PLEKHG7: variants seen among roughly 807,000 people sequenced by gnomAD.
PLEKHG7 encodes the protein pleckstrin homology and RhoGEF domain containing G7, also known as pleckstrin homology domain-containing family G member 7.
Under a neutral mutation model 85.2 loss-of-function variants are expected in PLEKHG7, and 77 were observed. The ratio of observed to expected loss-of-function variants is 0.90; its 90% CI spans 0.75 to 1.09. The LOEUF is 1.09. Among genes scored for constraint, PLEKHG7 ranks in the 50% least tolerant of loss-of-function variants. PLEKHG7 has a pLI of 0.00. For missense variants in PLEKHG7, 777 were observed against 804.3 expected, an observed-to-expected ratio of 0.97 and a Z score of 0.41; for synonymous variants, 301 against 302.4, an observed-to-expected ratio of 1.00 and a Z score of 0.05.
intron 3 of PLEKHG7, 96 bp from the exon 4 acceptor site, chr12:92,728,897 C>A: frequency 2.0e-6 from 2 of 1,015,182 alleles, no homozygotes; most frequent in Non-Finnish European, 2.5e-6. Flanking sequence ...CACAACCACG[C>A]CAACATCTGT....
chr12:92,756,309 C>T lies in PLEKHG7; in HGVS notation c.1554C>T (p.His518=), dbSNP rs967182705. 6 of 1,608,956 alleles carry T rather than the reference C, an allele frequency of 3.7e-6. No homozygotes were observed. Among genetic ancestry groups the T allele is most frequent in the Non-Finnish European group, 5.1e-6 (6 of 1,175,580 alleles). The change falls in exon 13 of 17, where the codon CAC becomes CAT. Residue 518 remains histidine, a synonymous_variant. Transcript: ENST00000344636. ...GCTTGTTTTACAAGTGTTTGAAACA[C>T]ATTTTTAAAGAACACATGGCAGAAA... ...KRFFIPECLK[H]IFKEHMAENI...
intron 10 of PLEKHG7, among the ~76,000 whole-genome samples, chr12:92,752,736 C>T (rs1872724601): frequency 6.6e-6 from 1 of 152,250 alleles, no homozygotes; most frequent in South Asian, 2.1e-4. Context: ...AGGCAGGATC[C>T]CTGTTGTAGT....
At chr12:92,705,573 C>T (rs1362045916) in intron 1 of PLEKHG7, among the ~76,000 whole-genome samples, 1 of 152,192 alleles carries the variant, frequency 6.6e-6, no homozygotes, top group Non-Finnish European at 1.5e-5. Flanking sequence ...ATGTTCCATC[C>T]ACAAACAATC....
At chr12:92,735,270 G>T (rs959952555) in intron 5 of PLEKHG7, among the ~76,000 whole-genome samples, 1 of 152,136 alleles carries the variant, frequency 6.6e-6, no homozygotes, top group African/African-American at 2.4e-5. Flanking sequence ...TCTTTAACTG[G>T]TTCCAAGATT....
intron 15 of PLEKHG7, among the ~76,000 whole-genome samples, chr12:92,764,643 AATAT>A (rs1234205387): frequency 6.6e-6 from 1 of 151,866 alleles, no homozygotes; most frequent in Non-Finnish European, 1.5e-5. Context: ...TTATGCCAGC[AATAT>A]ATATATATTC....
intron 4 of PLEKHG7, among the ~76,000 whole-genome samples, chr12:92,731,826 G>A (rs1466870885): frequency 6.6e-6 from 1 of 152,192 alleles, no homozygotes; most frequent in Non-Finnish European, 1.5e-5. Flanking sequence ...TGCATGTGAT[G>A]GGGGCGTTCT....
intron 3 of PLEKHG7, among the ~76,000 whole-genome samples, chr12:92,725,829 A>G (rs932734107): frequency 2.0e-5 from 3 of 152,216 alleles, no homozygotes; most frequent in Non-Finnish European, 2.9e-5. Flanking sequence ...ACCTAAAAGT[A>G]GGAAAAGCCT....
rs761131404 is a variant in PLEKHG7 at position 92,745,512 on chromosome 12, C to T, written c.1172C>T (p.Thr391Ile). Residue 391 changes from threonine (T) to isoleucine (I), a missense_variant, in exon 10 of 17, where the codon ACC (threonine) becomes ATC (isoleucine). Thr to Ile is a moderately conservative substitution (Grantham distance 89). Coordinates refer to ENST00000344636, the MANE Select transcript of PLEKHG7 (RefSeq NM_001377329.1). Reference protein sequence around the residue: ...FRGSLCQSHQTYCLNYSAAIF... With the variant: ...FRGSLCQSHQIYCLNYSAAIF... ...GGGAGTCTCTGTCAGAGCCACCAGACCTACTGCCTGAACTATTCAGCTGCT... is the reference window on the plus strand; with the variant it reads ...GGGAGTCTCTGTCAGAGCCACCAGATCTACTGCCTGAACTATTCAGCTGCT... 19 of 1,613,800 alleles carry T rather than the reference C, an allele frequency of 1.2e-5. No homozygotes were observed. In the South Asian group the frequency reaches 1.6e-4, roughly 14 times the overall value.
At chr12:92,720,812 A>C (rs537363473) in intron 3 of PLEKHG7, among the ~76,000 whole-genome samples, 2 of 152,314 alleles carry the variant, frequency 1.3e-5, no homozygotes, top group South Asian at 2.1e-4. Flanking sequence ...GCCACCATTC[A>C]AACCATTATA....
At chr12:92,750,636 C>A (rs1020387855) in intron 10 of PLEKHG7, among the ~76,000 whole-genome samples, 8 of 152,202 alleles carry the variant, frequency 5.3e-5, no homozygotes, top group African/African-American at 1.9e-4. Flanking sequence ...GTTACAAGAA[C>A]TCCCAGCCAC....
chr12:92,727,839 C>A (rs906738081), intron 3 of PLEKHG7, among the ~76,000 whole-genome samples: 2 of 151,710 alleles, frequency 1.3e-5, no homozygotes, highest in African/African-American at 4.8e-5. Flanking sequence ...GATACGCTCA[C>A]CTTGGCCTCC....
chr12:92,713,046 G>C (rs936704583), intron 3 of PLEKHG7, among the ~76,000 whole-genome samples: 1 of 152,168 alleles, frequency 6.6e-6, no homozygotes, highest in African/African-American at 2.4e-5. Flanking sequence ...CCATAGGGAA[G>C]GATGGGAAAA....
chr12:92,704,775 A>T (rs1350806138), intron 1 of PLEKHG7, among the ~76,000 whole-genome samples: 1 of 152,216 alleles, frequency 6.6e-6, no homozygotes, highest in African/African-American at 2.4e-5. Context: ...ATGGGGTCTC[A>T]CTATGTTGCC....
At chr12:92,740,299 C>T (rs912477725) in intron 7 of PLEKHG7, among the ~76,000 whole-genome samples, 2 of 152,192 alleles carry the variant, frequency 1.3e-5, no homozygotes, top group African/African-American at 2.4e-5. Context: ...TATAGTTCTC[C>T]AATTTGTGAA....
chr12:92,759,926 C>T (rs1358212713), intron 13 of PLEKHG7, among the ~76,000 whole-genome samples: 1 of 152,182 alleles, frequency 6.6e-6, no homozygotes. Context: ...TGTTAAGTCT[C>T]AACCTATATG....
At position 92,728,987 on chromosome 12, in the gene PLEKHG7, G is replaced by C; in HGVS notation, c.531-6G>C. ...GTGTGGTTTTCCTTTTATCTCTTGA[G>C]CACAGGTTCTACGAGCACAGGCGGA... is the stretch of plus-strand genomic sequence containing the variant. On this transcript the variant is annotated splice_region_variant and splice_polypyrimidine_tract_variant and intron_variant, in intron 3 of 16. Coordinates refer to ENST00000344636, the MANE Select transcript of PLEKHG7 (RefSeq NM_001377329.1). 1 of 1,231,592 alleles carries C rather than the reference G, an allele frequency of 8.1e-7. No homozygotes were observed. The highest frequency in any genetic ancestry group is 1.0e-6 in the Non-Finnish European group (1 of 987,616). 76.3% of individuals were successfully genotyped at this position (1,231,592 alleles called of 1,614,324 possible). A position where few individuals can be genotyped will look rare whatever the true frequency, so the allele number is the denominator to read the frequency against.
intron 3 of PLEKHG7, among the ~76,000 whole-genome samples, chr12:92,709,303 G>A (rs563880987): frequency 6.6e-6 from 1 of 152,212 alleles, no homozygotes; most frequent in East Asian, 1.9e-4. Context: ...CTATCAGGGT[G>A]AGGGAAAGGA....
intron 10 of PLEKHG7, among the ~76,000 whole-genome samples, chr12:92,747,355 A>G (rs1025185763): frequency 2.4e-4 from 17 of 72,290 alleles, no homozygotes; most frequent in African/African-American, 7.5e-4. Flanking sequence ...GACTACTAAG[A>G]TATCATCTTA....
At chr12:92,716,045 A>G (rs1871481029) in intron 3 of PLEKHG7, among the ~76,000 whole-genome samples, 1 of 152,178 alleles carries the variant, frequency 6.6e-6, no homozygotes, top group African/African-American at 2.4e-5. Context: ...CCTTTTTCAA[A>G]AATACTGATT....
Sources: allele counts gnomAD v4.1 joint callset (sites outside exome capture counted in the v4.1 genomes callset), GRCh38; gene constraint gnomAD v4.1.1; transcripts MANE v1.5; gene names NCBI Gene and HGNC (gene_info 2026-07-23, HGNC 2026-07-21).